The following BTBD16 variants were observed in gnomAD, a reference collection of about 807,000 sequenced individuals.
The protein encoded by BTBD16 is BTB/POZ domain-containing protein 16.
BTBD16 carries 66 observed loss-of-function variants against 67.4 expected under a neutral mutation model. That is an observed-to-expected ratio of 0.98 (90% CI 0.80 to 1.20). The LOEUF is 1.20. Ranked by LOEUF, BTBD16 falls within the 50% of genes most tolerant of loss-of-function variation. BTBD16 has a pLI of 0.00. For missense variants in BTBD16, 634 were observed against 616.0 expected, an observed-to-expected ratio of 1.03 and a Z score of -0.31; for synonymous variants, 242 against 236.4, an observed-to-expected ratio of 1.02 and a Z score of -0.22.
intron 12 of BTBD16, among the ~76,000 whole-genome samples, chr10:122,331,564 C>G (rs752234643): frequency 6.6e-6 from 1 of 152,194 alleles, no homozygotes; most frequent in Admixed American, 6.5e-5. Flanking sequence ...TCTCTGTGCA[C>G]CCTCAGCAAC....
At chr10:122,337,956 C>A (rs2096465868) in intron 15 of BTBD16, 61 bp from the exon 16 acceptor site, 2 of 1,412,572 alleles carry the variant, frequency 1.4e-6, no homozygotes, top group African/African-American at 2.8e-5. Flanking sequence ...CTTTCCCCTT[C>A]TGGGGGGCAA....
intron 10 of BTBD16, 29 bp downstream of exon 10, chr10:122,307,337 A>G (rs910685074): frequency 1.3e-6 from 2 of 1,569,924 alleles, no homozygotes; most frequent in East Asian, 2.3e-5. Context: ...GATTGATGAA[A>G]TACACAAATA....
chr10:122,277,162 T>TTTTTC (rs757821655), intron 3 of BTBD16, among the ~76,000 whole-genome samples: 9 of 119,522 alleles, frequency 7.5e-5, no homozygotes, highest in African/African-American at 2.9e-4. Context: ...TTGAATTTTT[T>TTTTTC]TTTTTTTTTT....
At chr10:122,337,193 T>G (rs150494182) in intron 15 of BTBD16, among the ~76,000 whole-genome samples, 68 of 152,300 alleles carry the variant, frequency 4.5e-4, no homozygotes, top group African/African-American at 1.6e-3. Flanking sequence ...AGTGAGTAAT[T>G]CCTGGTCCTG....
At chr10:122,317,484 A>G (rs1026884792) in intron 10 of BTBD16, among the ~76,000 whole-genome samples, 2 of 152,020 alleles carry the variant, frequency 1.3e-5, no homozygotes. Context: ...TGTCTCTACT[A>G]AAAATACAAA....
intron 9 of BTBD16, among the ~76,000 whole-genome samples, chr10:122,302,106 G>A (rs756886431): frequency 3.3e-5 from 5 of 152,154 alleles, no homozygotes; most frequent in Non-Finnish European, 7.3e-5. Context: ...GGTCACATGT[G>A]TTTGGAACAA....
At chr10:122,306,052 A>T (rs2096403144) in intron 9 of BTBD16, among the ~76,000 whole-genome samples, 1 of 152,186 alleles carries the variant, frequency 6.6e-6, no homozygotes, top group Non-Finnish European at 1.5e-5. Flanking sequence ...GGGCTTTAAA[A>T]TGAGGAGCTT....
chr10:122,327,634 TG>T (rs1351423067), intron 10 of BTBD16: 7 of 985,324 alleles, frequency 7.1e-6, no homozygotes, highest in Non-Finnish European at 8.4e-6. Context: ...TCCACAAAAG[TG>T]GGCATCATTG....
At chr10:122,299,932 C>T (rs534609330) in intron 9 of BTBD16, among the ~76,000 whole-genome samples, 4 of 152,304 alleles carry the variant, frequency 2.6e-5, no homozygotes, top group East Asian at 3.9e-4. Flanking sequence ...AGTGCAGCCA[C>T]GGGGCCCCCC....
At chr10:122,323,953 A>G (rs1460980308) in intron 10 of BTBD16, among the ~76,000 whole-genome samples, 1 of 152,184 alleles carries the variant, frequency 6.6e-6, no homozygotes, top group African/African-American at 2.4e-5. Flanking sequence ...TATAATCACT[A>G]AATAGGTATC....
chr10:122,282,382 T>C (rs765706437), intron 3 of BTBD16, among the ~76,000 whole-genome samples: 19 of 152,176 alleles, frequency 1.2e-4, no homozygotes, highest in East Asian at 3.9e-4. Flanking sequence ...GGCTGAGTCA[T>C]TGGCAGCCAT....
intron 9 of BTBD16, among the ~76,000 whole-genome samples, chr10:122,305,089 G>C (rs564784311): frequency 6.6e-6 from 1 of 152,332 alleles, no homozygotes; most frequent in South Asian, 2.1e-4. Flanking sequence ...AATATGTTGG[G>C]TTGTATGGCA....
At chr10:122,302,590 G>T (rs548498057) in intron 9 of BTBD16, among the ~76,000 whole-genome samples, 209 of 152,302 alleles carry the variant, frequency 1.4e-3, no homozygotes, top group Middle Eastern at 0.01. Context: ...CCTCCTTGTT[G>T]CATCTGTCCC....
chr10:122,272,651 T>G (rs972677849), intron 1 of BTBD16, among the ~76,000 whole-genome samples: 1 of 150,604 alleles, frequency 6.6e-6, no homozygotes, highest in Non-Finnish European at 1.5e-5. Flanking sequence ...CCAGATATGT[T>G]TTCAAATTAG....
At chr10:122,321,543 A>G (rs2096435438) in intron 10 of BTBD16, among the ~76,000 whole-genome samples, 1 of 152,224 alleles carries the variant, frequency 6.6e-6, no homozygotes, top group Non-Finnish European at 1.5e-5. Flanking sequence ...TTTTAATAAT[A>G]GCCATTCTGG....
At chr10:122,300,706 A>T (rs2096392349) in intron 9 of BTBD16, among the ~76,000 whole-genome samples, 1 of 152,172 alleles carries the variant, frequency 6.6e-6, no homozygotes, top group Non-Finnish European at 1.5e-5. Flanking sequence ...GTTTAGGACC[A>T]CTTAGTTGTC....
chr10:122,296,420 G>GT (rs2096383302), intron 7 of BTBD16, among the ~76,000 whole-genome samples: 1 of 152,140 alleles, frequency 6.6e-6, no homozygotes, highest in Non-Finnish European at 1.5e-5. Flanking sequence ...AGTGCAAGAG[G>GT]TACTGGATGT....
At chr10:122,291,710 GT>G (rs2096374388) in intron 7 of BTBD16, 1 of 152,212 alleles carries the variant, frequency 6.6e-6, no homozygotes, top group Non-Finnish European at 1.5e-5. Context: ...TGTTATAAAT[GT>G]TACATACAGT....
At position 122,317,070 on chromosome 10, in the gene BTBD16, T is replaced by C. The variant is rs187076505; in HGVS notation, c.911+9762T>C. On this transcript the variant is annotated intron_variant, in intron 10 of 15. Transcript: ENST00000260723. Reference sequence around the variant, plus strand: ...TCCCAAAGTGTTGGGATTACAGGCGTGAGTCACTGCACCCAGCCTACTGTA... The same window carrying C: ...TCCCAAAGTGTTGGGATTACAGGCGCGAGTCACTGCACCCAGCCTACTGTA... Among the ~76,000 whole-genome samples the C allele has an allele frequency of 4.8e-3, 728 of 152,260 alleles. 3 individuals are homozygous for C. Among genetic ancestry groups the C allele is most frequent in the Middle Eastern group, 0.02 (6 of 294 alleles).
Sources: gnomAD v4.1 joint callset for allele counts (sites outside exome capture counted in the v4.1 genomes callset) on GRCh38, gnomAD v4.1.1 for gene constraint, MANE v1.5 for transcripts, NCBI Gene and HGNC (gene_info 2026-07-23, HGNC 2026-07-21) for gene names.